FRAS1: variants seen among roughly 807,000 people sequenced by gnomAD.
FRAS1 encodes Fraser extracellular matrix complex subunit 1.
Under a neutral mutation model 435.2 loss-of-function variants are expected in FRAS1, and 290 were observed. The observed-to-expected ratio is 0.67, with a 90% CI of 0.61 to 0.73. FRAS1 has a LOEUF of 0.73. FRAS1 is among the 30% of genes least tolerant of loss of function. The pLI is 0.00. For missense variants in FRAS1, 4,860 were observed against 5,001.5 expected (o/e 0.97, Z 0.85); for synonymous variants, 1,800 against 1,851.0 (o/e 0.97, Z 0.71).
intron 18 of FRAS1, among the ~76,000 whole-genome samples, chr4:78,320,087 T>G (rs1375967569): frequency 1.3e-5 from 2 of 152,196 alleles, no homozygotes; most frequent in Non-Finnish European, 2.9e-5. Context: ...TCAGGTGTCC[T>G]GGAACATGAT....
intron 2 of FRAS1, among the ~76,000 whole-genome samples, chr4:78,087,453 G>C (rs1027914026): frequency 3.3e-5 from 5 of 152,064 alleles, no homozygotes; most frequent in African/African-American, 1.2e-4. Context: ...GGAAATAAAG[G>C]GTATTCAATT....
intron 27 of FRAS1, among the ~76,000 whole-genome samples, 172 bp from the exon 28 acceptor site, chr4:78,383,887 A>G (rs35514354): frequency 0.084 from 12,833 of 152,204 alleles, 581 homozygotes; most frequent in Non-Finnish European, 0.1. Flanking sequence ...GAATCTTACT[A>G]TGTTCATCTT....
intron 2 of FRAS1, among the ~76,000 whole-genome samples, chr4:78,236,539 T>C (rs1466843865): frequency 2.6e-5 from 4 of 152,178 alleles, no homozygotes; most frequent in Non-Finnish European, 5.9e-5. Context: ...CTAATAGGAA[T>C]TTGGGCTAGG....
Position 78,445,537 on chromosome 4 carries a change from C to T in FRAS1, c.5681C>T (p.Pro1894Leu). 2 of 1,575,178 alleles carry T rather than the reference C, an allele frequency of 1.3e-6. No homozygotes were observed. The highest frequency in any genetic ancestry group is 2.4e-5 in the South Asian group (2 of 83,480). Residue 1894 changes from proline (P) to leucine (L), a missense_variant, in exon 42 of 74, where the codon CCT becomes CTT. Transcript: ENST00000512123. ...ENTGTGDRFG[P>L]ETASDLEASF... is the part of the protein sequence containing the mutation. ...GTTGATGCAGGTGATCGTTTTGGCC[C>T]TGAAACTGCCAGTGACCTAGAGGCA...
chr4:78,164,514 T>C lies in FRAS1; in HGVS notation c.109-72996T>C, dbSNP rs183648639. ...AATGCTGATGTAAATTTAGTACTTA[T>C]ATAAAACACTAAAATTCTTCTAAAG... On this transcript the variant is annotated intron_variant, in intron 2 of 73. Transcript: ENST00000512123. Among the ~76,000 whole-genome samples the C allele has an allele frequency of 1.1e-4, 16 of 152,250 alleles. 1 individual carries two copies. Among genetic ancestry groups the C allele is most frequent in the Non-Finnish European group, 1.9e-4 (13 of 68,022 alleles).
intron 2 of FRAS1, among the ~76,000 whole-genome samples, chr4:78,088,243 G>C (rs1741306377): frequency 6.6e-6 from 1 of 152,128 alleles, no homozygotes; most frequent in South Asian, 2.1e-4. Context: ...AGCTGAAACT[G>C]GATCCCTTCC....
chr4:78,407,601 G>A, intron 30 of FRAS1, 62 bp from the exon 31 acceptor site: 1 of 1,352,570 alleles, frequency 7.4e-7, no homozygotes, highest in Non-Finnish European at 1.0e-6. Context: ...AGTAGGAAAG[G>A]AGGTAAGGGC....
At chr4:78,387,814 C>A in intron 29 of FRAS1, 113 bp downstream of exon 29, 1 of 705,652 alleles carries the variant, frequency 1.4e-6, no homozygotes, top group Non-Finnish European at 2.2e-6. Flanking sequence ...TTCACTTATT[C>A]AAATATAACC....
chr4:78,290,156 A>T (rs893856513), intron 14 of FRAS1, among the ~76,000 whole-genome samples: 1 of 152,220 alleles, frequency 6.6e-6, no homozygotes, highest in African/African-American at 2.4e-5. Flanking sequence ...ATTATGTTAA[A>T]ATGAGTAATT....
At chr4:78,377,509 A>C (rs1390890646) in intron 26 of FRAS1, among the ~76,000 whole-genome samples, 1 of 152,192 alleles carries the variant, frequency 6.6e-6, no homozygotes, top group Non-Finnish European at 1.5e-5. Context: ...TCCAGGCAAA[A>C]ACAACTTGCA....
At chr4:78,318,723 C>A in intron 17 of FRAS1, 87 bp from the exon 18 acceptor site, 1 of 1,328,270 alleles carries the variant, frequency 7.5e-7, no homozygotes, top group Non-Finnish European at 1.0e-6. Context: ...ATTTGGTGAA[C>A]TTTTCTAAGT....
chr4:78,516,691 A>G (rs1288746930), intron 66 of FRAS1, among the ~76,000 whole-genome samples: 1 of 152,218 alleles, frequency 6.6e-6, no homozygotes. Context: ...TGAAAGGGGA[A>G]GCAGACATGT....
intron 15 of FRAS1, among the ~76,000 whole-genome samples, chr4:78,312,302 A>G (rs932196599): frequency 6.6e-6 from 1 of 151,370 alleles, no homozygotes; most frequent in Admixed American, 6.6e-5. Context: ...TCTTTATTGT[A>G]TATTAAATTT....
intron 30 of FRAS1, among the ~76,000 whole-genome samples, chr4:78,404,057 T>A (rs1733006539): frequency 6.6e-6 from 1 of 152,202 alleles, no homozygotes; most frequent in South Asian, 2.1e-4. Context: ...AGCTACTTAC[T>A]TAGATTTGAA....
At chr4:78,468,629 G>C (rs775497281) in intron 50 of FRAS1, among the ~76,000 whole-genome samples, 1 of 152,132 alleles carries the variant, frequency 6.6e-6, no homozygotes, top group Non-Finnish European at 1.5e-5. Flanking sequence ...CAGATATCCA[G>C]AAGAAATGTT....
At chr4:78,447,087 G>C (rs1020906177) in intron 43 of FRAS1, among the ~76,000 whole-genome samples, 1 of 150,634 alleles carries the variant, frequency 6.6e-6, no homozygotes, top group African/African-American at 2.4e-5. Flanking sequence ...CCAGTTAATT[G>C]GTGTCTCTGA....
At position 78,451,893 on chromosome 4, in the gene FRAS1, T is replaced by C; in HGVS notation, c.6583+2T>C. 6.2e-7 allele frequency: 1 copy of C among 1,608,756 alleles called. No individual in the cohort carries two copies. On this transcript the variant is annotated splice_donor_variant, in intron 46 of 73. Transcript: ENST00000512123. LOFTEE classifies it high-confidence loss of function. The stretch of plus-strand genomic sequence containing the variant: ...AGTCATTTTCCATCAGCATTCTAGG[T>C]AAAGAGACATTTGATTTTCTAATAT...
intron 18 of FRAS1, among the ~76,000 whole-genome samples, chr4:78,324,515 T>C (rs975920460): frequency 6.6e-6 from 1 of 152,092 alleles, no homozygotes; most frequent in African/African-American, 2.4e-5. Flanking sequence ...GTTTAGAAAG[T>C]CATCACAACC....
chr4:78,282,982 CCT>C lies in FRAS1; in HGVS notation c.1255+18_1255+19del. 2 of 1,453,442 alleles carry C rather than the reference CCT, an allele frequency of 1.4e-6. No homozygotes were observed. Among genetic ancestry groups the C allele is most frequent in the South Asian group, 1.6e-5 (1 of 62,358 alleles). The allele number at this position is 1,453,442 out of a possible 1,614,324, so 90.0% of individuals were successfully genotyped here. A position where few individuals can be genotyped will look rare whatever the true frequency, so the allele number is the denominator to read the frequency against. ...CTGCACATCAGGTGGGTCCATGTCT[CCT>C]CTGTTTCTACTGAGATAGTTTTACT... On this transcript the variant is annotated intron_variant, in intron 12 of 73. Transcript: ENST00000512123.
Sources: gnomAD v4.1 joint callset for allele counts (sites outside exome capture counted in the v4.1 genomes callset) on GRCh38, gnomAD v4.1.1 for gene constraint, MANE v1.5 for transcripts, NCBI Gene and HGNC (gene_info 2026-07-23, HGNC 2026-07-21) for gene names.